The following MMP25 variants were observed in gnomAD, a reference collection of about 807,000 sequenced individuals.
The protein encoded by MMP25 is matrix metalloproteinase-25.
MMP25 carries 68 observed loss-of-function variants against 62.1 expected under a neutral mutation model. The ratio of observed to expected loss-of-function variants is 1.10; its 90% CI spans 0.90 to 1.34. MMP25 has a LOEUF of 1.34. Among genes scored for constraint, MMP25 ranks in the 40% most tolerant of loss-of-function variants. The pLI is 0.00. For missense variants in MMP25, 942 were observed against 792.5 expected (o/e 1.19, Z -2.26); for synonymous variants, 407 against 345.6 (o/e 1.18, Z -1.97).
chr16:3,050,587 T>C (rs1955889185), intron 4 of MMP25, 41 bp downstream of exon 4: 1 of 1,489,264 alleles, frequency 6.7e-7, no homozygotes, highest in African/African-American at 1.4e-5. Context: ...TTGCCAGGTC[T>C]GGTCTTAAGA....
intron 2 of MMP25, among the ~76,000 whole-genome samples, 181 bp downstream of exon 2, chr16:3,047,728 C>T (rs1955840493): frequency 6.6e-6 from 1 of 152,142 alleles, no homozygotes; most frequent in Admixed American, 6.5e-5. Context: ...AACCTGGTGG[C>T]TCATGCCGGT....
intron 4 of MMP25, 129 bp downstream of exon 4, chr16:3,050,675 G>A: frequency 3.2e-6 from 3 of 929,068 alleles, no homozygotes; most frequent in Non-Finnish European, 4.5e-6. Context: ...GTGCAGTGGT[G>A]CAATCATAGC....
Position 3,058,153 on chromosome 16 carries a change from T to G in MMP25, c.1007-28T>G, listed in dbSNP as rs1231781951. ...AGGAGACCTCCTGCTGTCTCATGCCTTCCTGCGAACCCCTTTGTCCCCTGC... is the reference window on the plus strand; with the variant it reads ...AGGAGACCTCCTGCTGTCTCATGCCGTCCTGCGAACCCCTTTGTCCCCTGC... On this transcript the variant is annotated intron_variant, in intron 7 of 9. Coordinates refer to ENST00000336577, the MANE Select transcript of MMP25 (RefSeq NM_022468.5). The G allele has an allele frequency of 2.5e-6, 4 of 1,605,178 alleles. No homozygotes were observed. In the African/African-American group the frequency reaches 5.4e-5, roughly 22 times the overall value.
Position 3,046,792 on chromosome 16 carries a change from T to TC in MMP25, c.-123dup. On this transcript the variant is annotated 5_prime_UTR_variant, in exon 1 of 10. Transcript: ENST00000336577. ...ACACACATCCCAGCCCTCCGGCCGA[T>TC]CCCTCCCTACTCGGTGCCGGGTGCC... 2.0e-6 allele frequency: 1 copy of TC among 490,592 alleles called. No homozygotes were observed. Among genetic ancestry groups the TC allele is most frequent in the Middle Eastern group, 5.4e-4 (1 of 1,838 alleles). The allele number at this position is 490,592 out of a possible 1,614,324, so 30.4% of individuals were successfully genotyped here. A position where few individuals can be genotyped will look rare whatever the true frequency, so the allele number is the denominator to read the frequency against.
chr16:3,056,947 T>C, intron 4 of MMP25, 86 bp from the exon 5 acceptor site: 1 of 1,428,534 alleles, frequency 7.0e-7, no homozygotes, highest in Non-Finnish European at 9.4e-7. Context: ...CTGTTCCTGT[T>C]GGCCCCAGCT....
At chr16:3,052,538 G>A in intron 4 of MMP25, 1 of 152,232 alleles carries the variant, frequency 6.6e-6, no homozygotes, top group East Asian at 1.9e-4. Flanking sequence ...GTGGAGTGTG[G>A]TCCTGGGGAA....
At chr16:3,057,931 T>C in intron 7 of MMP25, 3 of 578,238 alleles carry the variant, frequency 5.2e-6, no homozygotes, top group Non-Finnish European at 9.1e-6. Context: ...CTCAATCTCC[T>C]GGCTCAGGTG....
Position 3,060,456 on chromosome 16 carries a change from T to C in MMP25, c.*1358T>C, listed in dbSNP as rs1329650201. On this transcript the variant is annotated 3_prime_UTR_variant, in exon 10 of 10. Transcript: ENST00000336577. The stretch of plus-strand genomic sequence containing the variant: ...TTAGGGGCCACTTCCTAAGTTGCTG[T>C]CCAGCCTCAGTGACCCCCTAGTGCT... 6.6e-6 allele frequency: 1 copy of C among 152,122 alleles called. No homozygotes were observed. The highest frequency in any genetic ancestry group is 2.4e-5 in the African/African-American group (1 of 41,418). 9.4% of individuals were successfully genotyped at this position (152,122 alleles called of 1,614,324 possible).
rs1445756306 is a variant in MMP25, at chr16:3,060,210, C to T, written c.*1112C>T. On this transcript the variant is annotated 3_prime_UTR_variant, in exon 10 of 10. Transcript: ENST00000336577. Reference sequence around the variant, plus strand: ...CTGGAACTATTCTTCTAGACTATCCCACATCAGAATCACTGGGAAATTTAA... The same window carrying T: ...CTGGAACTATTCTTCTAGACTATCCTACATCAGAATCACTGGGAAATTTAA... 1 of 152,148 alleles carries T rather than the reference C, an allele frequency of 6.6e-6. No individual in the cohort carries two copies. 9.4% of individuals were successfully genotyped at this position (152,148 alleles called of 1,614,324 possible).
At chr16:3,050,659 G>A (rs1955889864) in intron 4 of MMP25, 113 bp downstream of exon 4, 2 of 1,151,688 alleles carry the variant, frequency 1.7e-6, no homozygotes, top group Non-Finnish European at 2.4e-6. Context: ...TGTTGCTCAG[G>A]CTAGAGTGCA....
At chr16:3,054,693 G>C (rs1955973233) in intron 4 of MMP25, 1 of 145,520 alleles carries the variant, frequency 6.9e-6, no homozygotes, top group African/African-American at 2.6e-5. Flanking sequence ...GGTGGGGATG[G>C]ATGGACAGAT....
At chr16:3,051,050 CA>C (rs1776720634) in intron 4 of MMP25, 1 of 152,500 alleles carries the variant, frequency 6.6e-6, no homozygotes, top group African/African-American at 2.4e-5. Context: ...CTTGGTCTCT[CA>C]AAGCATTGGG....
intron 2 of MMP25, among the ~76,000 whole-genome samples, chr16:3,048,618 G>A (rs928672658): frequency 1.3e-5 from 2 of 152,020 alleles, no homozygotes; most frequent in Non-Finnish European, 2.9e-5. Context: ...AGAGTGTCCC[G>A]GGCAAGTGCA....
chr16:3,050,855 G>A (rs1355876197), intron 4 of MMP25, among the ~76,000 whole-genome samples: 9 of 152,082 alleles, frequency 5.9e-5, no homozygotes, highest in African/African-American at 2.2e-4. Context: ...GCAGTTGCAC[G>A]ATCACGGCTC....
chr16:3,047,971 C>G (rs958601489), intron 2 of MMP25, among the ~76,000 whole-genome samples: 2 of 151,922 alleles, frequency 1.3e-5, no homozygotes, highest in East Asian at 3.9e-4. Flanking sequence ...TCCTGAGTAG[C>G]TGGGATTACA....
intron 4 of MMP25, chr16:3,052,672 A>T (rs1309136271): frequency 3.2e-5 from 5 of 153,966 alleles, no homozygotes; most frequent in Non-Finnish European, 7.2e-5. Context: ...GGTGCTGTTA[A>T]TGCAGGTGTG....
rs917304116 is a variant in MMP25 at position 3,046,940 on chromosome 16, T to A, written c.23T>A (p.Leu8Gln). 1.4e-5 allele frequency: 20 copies of A among 1,465,162 alleles called. No homozygotes were observed. In the East Asian group the frequency reaches 1.5e-4, roughly 11 times the overall value. 90.8% of individuals were successfully genotyped at this position (1,465,162 alleles called of 1,614,324 possible). ...ACCATGCGGCTGCGGCTCCGGCTTC[T>A]GGCGCTGCTGCTTCTGCTGCTGGCA... MRLRLRL[L>Q]ALLLLLLAPP... The change falls in exon 1 of 10, where the codon CTG becomes CAG. Residue 8 changes from leucine to glutamine, a missense_variant. By Grantham distance (113) the Leu-to-Gln change is moderately radical. Transcript: ENST00000336577.
chr16:3,056,649 A>C, intron 4 of MMP25: 1 of 183,758 alleles, frequency 5.4e-6, no homozygotes, highest in Non-Finnish European at 1.1e-5. Context: ...TCTTGGGCTC[A>C]AGCGATCCTC....
intron 2 of MMP25, among the ~76,000 whole-genome samples, chr16:3,049,233 G>A (rs773126461): frequency 5.3e-5 from 8 of 151,968 alleles, no homozygotes; most frequent in Non-Finnish European, 1.0e-4. Flanking sequence ...GGTGGCATAT[G>A]TGGCCAGAAG....
Sources: allele counts gnomAD v4.1 joint callset (sites outside exome capture counted in the v4.1 genomes callset), GRCh38; gene constraint gnomAD v4.1.1; transcripts MANE v1.5; gene names NCBI Gene and HGNC (gene_info 2026-07-23, HGNC 2026-07-21).